The following TP63 variants were observed in gnomAD, a reference collection of about 807,000 sequenced individuals.
TP63 encodes the protein tumor protein 63.
TP63 carries 17 observed loss-of-function variants against 82.8 expected under a neutral mutation model. That is an observed-to-expected ratio of 0.21 (90% CI 0.14 to 0.31). The LOEUF (loss-of-function observed/expected upper bound fraction) is 0.31, where lower values mean the gene tolerates loss of function less well. Ranked by LOEUF, TP63 falls within the 10% of genes least tolerant of loss-of-function variation. The probability of loss-of-function intolerance (pLI) is 1.00; values close to 1 mark genes in which losing one functional copy is unlikely to be tolerated. For missense variants in TP63, 648 were observed against 895.3 expected, an observed-to-expected ratio of 0.72 and a Z score of 3.52; for synonymous variants, 330 against 321.7, an observed-to-expected ratio of 1.03 and a Z score of -0.28.
intron 1 of TP63, among the ~76,000 whole-genome samples, chr3:189,737,387 G>A (rs148466930): frequency 7.0e-4 from 107 of 152,216 alleles, no homozygotes; most frequent in Non-Finnish European, 1.3e-3. Context: ...GATAGGTCAG[G>A]CTTGCTATCA....
the TP63 span, among the ~76,000 whole-genome samples, chr3:189,618,288 A>C: frequency 1.3e-5 from 2 of 152,206 alleles, no homozygotes; most frequent in Non-Finnish European, 2.9e-5. Flanking sequence ...TGTATCTCAA[A>C]ATGGGCTCAG....
chr3:189,794,282 C>T (rs932392893), intron 3 of TP63, among the ~76,000 whole-genome samples: 1 of 151,972 alleles, frequency 6.6e-6, no homozygotes, highest in Non-Finnish European at 1.5e-5. Context: ...AATTCCTACA[C>T]TAAGAAGTTT....
chr3:189,767,065 T>C (rs1218557756), intron 3 of TP63, among the ~76,000 whole-genome samples: 1 of 152,198 alleles, frequency 6.6e-6, no homozygotes, highest in Non-Finnish European at 1.5e-5. Flanking sequence ...TCCACAAATC[T>C]TGCCATATAA....
chr3:189,706,978 A>T (rs1195009614), intron 1 of TP63, among the ~76,000 whole-genome samples: 2 of 150,704 alleles, frequency 1.3e-5, no homozygotes, highest in African/African-American at 5.0e-5. Context: ...TTATTCTGTT[A>T]TGGTTCCTTA....
chr3:189,680,521 A>T (rs1396328424), intron 1 of TP63, among the ~76,000 whole-genome samples: 1 of 152,218 alleles, frequency 6.6e-6, no homozygotes. Flanking sequence ...GAACACAGAC[A>T]TAAAAATTCT....
Position 189,796,530 on chromosome 3 carries a change from C to T in TP63, c.325-11742C>T, listed in dbSNP as rs972203501. Among the ~76,000 whole-genome samples, 3 of 151,892 alleles carry T rather than the reference C, an allele frequency of 2.0e-5. No homozygotes were observed. The East Asian group carries it at 5.8e-4, about 29-fold the overall frequency. On this transcript the variant is annotated intron_variant, in intron 3 of 13. Transcript: ENST00000264731. ...AAATAAGGAGACATCTAAGCTAGTA[C>T]TCATTTCTTTCTCTTTTTTTTACCA...
the TP63 span, among the ~76,000 whole-genome samples, chr3:189,621,588 C>CAT: frequency 0.8 from 121,671 of 151,544 alleles, 50,843 homozygotes; most frequent in Middle Eastern, 0.95. Flanking sequence ...TACATATACA[C>CAT]ATATACACAT....
rs1719781064 is a variant in TP63 at position 189,880,373 on chromosome 3, A to G, written c.1350-6021A>G. 5 of 1,214,766 alleles carry G rather than the reference A, an allele frequency of 4.1e-6. No individual in the cohort carries two copies. The African/African-American group carries it at 4.7e-5, about 11-fold the overall frequency. The allele number at this position is 1,214,766 out of a possible 1,614,324, so 75.2% of individuals were successfully genotyped here. ...TTTTGAAGGGACTCAAACCTTTACAAGAAAGGATGTTTTCTGCAGATTTTG... is the reference window on the plus strand; with the variant it reads ...TTTTGAAGGGACTCAAACCTTTACAGGAAAGGATGTTTTCTGCAGATTTTG... On this transcript the variant is annotated intron_variant, in intron 10 of 13. Coordinates refer to ENST00000264731, the MANE Select transcript of TP63 (RefSeq NM_003722.5).
intron 3 of TP63, among the ~76,000 whole-genome samples, chr3:189,800,873 T>G (rs1221468484): frequency 1.3e-5 from 2 of 152,184 alleles, no homozygotes; most frequent in African/African-American, 4.8e-5. Context: ...GGATGGAAGA[T>G]GGATGATAAG....
chr3:189,681,493 A>G (rs1044450089), intron 1 of TP63, among the ~76,000 whole-genome samples: 6 of 152,230 alleles, frequency 3.9e-5, no homozygotes, highest in African/African-American at 1.4e-4. Context: ...GCATCTTAGC[A>G]TGATTTCTTT....
chr3:189,616,480 T>C, the TP63 span, among the ~76,000 whole-genome samples: 1 of 152,244 alleles, frequency 6.6e-6, no homozygotes, highest in Admixed American at 6.5e-5. Context: ...CAGATACAGC[T>C]GGTTGTCTTT....
chr3:189,798,255 C>T (rs1487460034), intron 3 of TP63, among the ~76,000 whole-genome samples: 2 of 152,092 alleles, frequency 1.3e-5, no homozygotes, highest in Non-Finnish European at 2.9e-5. Context: ...ACATATTATA[C>T]AAGCCTCTTC....
the TP63 span, among the ~76,000 whole-genome samples, chr3:189,625,885 A>C: frequency 3.3e-5 from 5 of 152,156 alleles, no homozygotes; most frequent in African/African-American, 4.8e-5. Context: ...GGAGGGTATC[A>C]GGTTTGTCTG....
chr3:189,696,171 G>T (rs1435952252), intron 1 of TP63, among the ~76,000 whole-genome samples: 3 of 151,982 alleles, frequency 2.0e-5, no homozygotes, highest in Non-Finnish European at 4.4e-5. Flanking sequence ...GATTTTCACT[G>T]CCCTAGGTTC....
chr3:189,844,394 T>C, intron 4 of TP63: 1 of 348,154 alleles, frequency 2.9e-6, no homozygotes. Flanking sequence ...CAAGCGATTC[T>C]CCTTTCTCAG....
At chr3:189,618,372 T>C in the TP63 span, among the ~76,000 whole-genome samples, 1 of 152,222 alleles carries the variant, frequency 6.6e-6, no homozygotes, top group Non-Finnish European at 1.5e-5. Context: ...ACCCATTCTT[T>C]CCTTTTCTTA....
At chr3:189,866,582 C>A in intron 5 of TP63, 100 bp from the exon 6 acceptor site, 1 of 1,047,444 alleles carries the variant, frequency 9.5e-7, no homozygotes, top group Non-Finnish European at 1.5e-6. Flanking sequence ...ATTATACAGA[C>A]TATTTCTTTT....
chr3:189,780,224 C>T (rs1724126379), intron 3 of TP63, among the ~76,000 whole-genome samples: 2 of 152,134 alleles, frequency 1.3e-5, no homozygotes, highest in African/African-American at 4.8e-5. Flanking sequence ...GTCTACAGAG[C>T]TGCCAAATTG....
rs35439891 is a variant in TP63, at chr3:189,882,464, C to CTT, written c.1350-3915_1350-3914dup. 7.8e-4 allele frequency among the ~76,000 whole-genome samples: 111 copies of CTT among 142,538 alleles called. 1 individual carries two copies. Among genetic ancestry groups the CTT allele is most frequent in the South Asian group, 4.4e-3 (20 of 4,506 alleles). 93.5% of individuals were successfully genotyped at this position (142,538 alleles called of 152,430 possible). A position where few individuals can be genotyped will look rare whatever the true frequency, so the allele number is the denominator to read the frequency against. On this transcript the variant is annotated intron_variant, in intron 10 of 13. Coordinates refer to ENST00000264731, the MANE Select transcript of TP63 (RefSeq NM_003722.5). ...CTTTTTCTGATGGTCCATGTTTTCC[C>CTT]TTTTTTTTTTTTTTTTCCTGACCTT... is the stretch of plus-strand genomic sequence containing the variant.
Sources: gnomAD v4.1 joint callset for allele counts (sites outside exome capture counted in the v4.1 genomes callset) on GRCh38, gnomAD v4.1.1 for gene constraint, MANE v1.5 for transcripts, NCBI Gene and HGNC (gene_info 2026-07-23, HGNC 2026-07-21) for gene names.